Variants in CELF2 observed in about 807,000 individuals in gnomAD.
CELF2 encodes the protein CUG triplet repeat RNA-binding protein 2.
A neutral mutation model predicts 62.6 loss-of-function variants in CELF2; 8 were observed. The ratio of observed to expected loss-of-function variants is 0.13; its 90% CI spans 0.07 to 0.23. The LOEUF (loss-of-function observed/expected upper bound fraction) is 0.23. CELF2 is among the 10% of genes least tolerant of loss of function. The pLI, the probability that CELF2 is intolerant of heterozygous loss-of-function variation, is 1.00. For synonymous variants in CELF2, 258 were observed against 250.0 expected (o/e 1.03, Z -0.30); for missense variants, 333 against 671.0 (o/e 0.50, Z 5.56).
the CELF2 span, among the ~76,000 whole-genome samples, chr10:10,697,071 C>T: frequency 1.3e-5 from 2 of 151,744 alleles, no homozygotes; most frequent in South Asian, 2.1e-4. Flanking sequence ...TTGGTAATAA[C>T]ATGATTAACA....
chr10:10,513,553 T>G, the CELF2 span, among the ~76,000 whole-genome samples: 1 of 151,610 alleles, frequency 6.6e-6, no homozygotes, highest in South Asian at 2.1e-4. Context: ...AAAATAAGAG[T>G]AGCAAGGAAA....
At chr10:10,999,226 T>A (rs2054275745) in intron 2 of CELF2, among the ~76,000 whole-genome samples, 1 of 152,178 alleles carries the variant, frequency 6.6e-6, no homozygotes, top group Non-Finnish European at 1.5e-5. Context: ...ACAGGAAGAA[T>A]GCTTCGTGAA....
At chr10:10,466,812 G>A in the CELF2 span, among the ~76,000 whole-genome samples, 2 of 152,142 alleles carry the variant, frequency 1.3e-5, no homozygotes, top group Middle Eastern at 3.4e-3. Context: ...ATAATGTGGG[G>A]CATCTTTTCA....
chr10:10,912,953 C>A (rs2063945210), intron 1 of CELF2, among the ~76,000 whole-genome samples: 1 of 152,132 alleles, frequency 6.6e-6, no homozygotes. Context: ...TGAGGCTTTT[C>A]TAAGGATTAA....
chr10:10,598,751 C>CTTTTTTTTTTTTTTTTTTTTTTTTTTTT, the CELF2 span, among the ~76,000 whole-genome samples: 39 of 69,588 alleles, frequency 5.6e-4, 4 homozygotes, highest in Non-Finnish European at 8.5e-4. Context: ...CTTTTTCTTT[C>CTTTTTTTTTTTTTTTTTTTTTTTTTTTT]TTTTTTTTTT....
At position 11,321,035 on chromosome 10, in the gene CELF2, T is replaced by A; in HGVS notation, c.1097-154T>A. 1 of 1,312,480 alleles carries A rather than the reference T, an allele frequency of 7.6e-7. No individual in the cohort carries two copies. The highest frequency in any genetic ancestry group is 1.1e-6 in the Non-Finnish European group (1 of 946,216). The allele number at this position is 1,312,480 out of a possible 1,614,324, so 81.3% of individuals were successfully genotyped here. On this transcript the variant is annotated intron_variant, in intron 10 of 12. Transcript: ENST00000633077. The surrounding 1 kb of genome is among the most constrained non-coding windows in gnomAD (Gnocchi z 6.2). ...TCCCCCATTATCACGATTTATTTCTTCATGGTTTCATTTTTAGTTTCCTGT... is the reference window on the plus strand; with the variant it reads ...TCCCCCATTATCACGATTTATTTCTACATGGTTTCATTTTTAGTTTCCTGT...
chr10:10,527,377 G>A, the CELF2 span, among the ~76,000 whole-genome samples: 1 of 150,534 alleles, frequency 6.6e-6, no homozygotes, highest in Non-Finnish European at 1.5e-5. Context: ...AACCTGGGAG[G>A]TAGAGGTTGC....
At chr10:10,833,013 CTGTGTGTGTGTGTG>C (rs71378768) in intron 1 of CELF2, among the ~76,000 whole-genome samples, 35 of 144,616 alleles carry the variant, frequency 2.4e-4, no homozygotes, top group African/African-American at 4.1e-4. Context: ...ACAGAAAACT[CTGTGTGTGTGTGTG>C]TGTGTGTGTG....
chr10:10,645,139 A>AG, the CELF2 span, among the ~76,000 whole-genome samples: 2 of 152,140 alleles, frequency 1.3e-5, no homozygotes, highest in African/African-American at 4.8e-5. Context: ...TTGCTTATTC[A>AG]GGGGGGATGA....
chr10:11,225,902 T>A (rs561911041), intron 3 of CELF2, among the ~76,000 whole-genome samples: 1 of 152,254 alleles, frequency 6.6e-6, no homozygotes, highest in South Asian at 2.1e-4. Flanking sequence ...AGCATTCACC[T>A]TGTTACACTG....
chr10:11,209,907 C>CT (rs2135606314), intron 2 of CELF2, among the ~76,000 whole-genome samples: 1 of 152,324 alleles, frequency 6.6e-6, no homozygotes, highest in East Asian at 1.9e-4. Context: ...TTGCATGCTA[C>CT]TGACTTGACA....
chr10:10,830,648 A>G (rs2057772863), intron 1 of CELF2, among the ~76,000 whole-genome samples: 1 of 152,178 alleles, frequency 6.6e-6, no homozygotes, highest in South Asian at 2.1e-4. Context: ...TGTGGGAAAG[A>G]AGTCAGTCAA....
chr10:10,638,358 TATCC>T, the CELF2 span, among the ~76,000 whole-genome samples: 113 of 135,138 alleles, frequency 8.4e-4, no homozygotes, highest in African/African-American at 2.9e-3. Flanking sequence ...CTCATTCACT[TATCC>T]ATCCATCCAT....
chr10:11,121,438 C>A (rs185220020), intron 1 of CELF2, among the ~76,000 whole-genome samples: 1 of 152,250 alleles, frequency 6.6e-6, no homozygotes, highest in Admixed American at 6.5e-5. Context: ...TTCCTCTCTC[C>A]CTCTGTCCTT....
chr10:11,309,009 T>C lies in CELF2; in HGVS notation c.977-5130T>C, dbSNP rs2094427013. Among the ~76,000 whole-genome samples the C allele has an allele frequency of 6.6e-6, 1 of 152,282 alleles. No individual in the cohort carries two copies. The highest frequency in any genetic ancestry group is 2.1e-4 in the South Asian group (1 of 4,834). Reference sequence around the variant, plus strand: ...CAGCCTTTTTATTGGCATTCTTTATTTGATGAAACATTGTAATTACACTTA... The same window carrying C: ...CAGCCTTTTTATTGGCATTCTTTATCTGATGAAACATTGTAATTACACTTA... On this transcript the variant is annotated intron_variant, in intron 9 of 12. Coordinates refer to ENST00000633077, the MANE Select transcript of CELF2 (RefSeq NM_001326342.2). The surrounding 1 kb of genome is among the most constrained non-coding windows in gnomAD (Gnocchi z 5.6).
chr10:11,270,940 T>C lies in CELF2; in HGVS notation c.777+116T>C, dbSNP rs2083569190. ...GTACATTTTCAATCTCGGGGAATTA[T>C]TGAAATCAGCATTTATGCAGGATAT... On this transcript the variant is annotated intron_variant, in intron 7 of 12. Transcript: ENST00000633077. The surrounding 1 kb of genome is among the most constrained non-coding windows in gnomAD (Gnocchi z 5.8). 2.0e-5 allele frequency: 20 copies of C among 998,538 alleles called. No individual in the cohort carries two copies. The South Asian group carries it at 2.2e-4, about 11-fold the overall frequency. The allele number at this position is 998,538 out of a possible 1,614,324, so 61.9% of individuals were successfully genotyped here.
chr10:10,666,861 C>CAAAAAAAAAAAAA, the CELF2 span, among the ~76,000 whole-genome samples: 2 of 25,186 alleles, frequency 7.9e-5, no homozygotes, highest in Non-Finnish European at 7.2e-5. Context: ...GACTCCGTCT[C>CAAAAAAAAAAAAA]AAAAAAAAAA....
Position 11,268,491 on chromosome 10 carries a change from A to G in CELF2, c.618+1814A>G, listed in dbSNP as rs912400898. On this transcript the variant is annotated intron_variant, in intron 6 of 12. Transcript: ENST00000633077. The surrounding 1 kb of genome is among the most constrained non-coding windows in gnomAD (Gnocchi z 4.7). Reference sequence around the variant, plus strand: ...TCCTGTAGAAGGAGGACTCTGGATCATAAAGCAGAACTGGGCATGAACCAG... The same window carrying G: ...TCCTGTAGAAGGAGGACTCTGGATCGTAAAGCAGAACTGGGCATGAACCAG... Among the ~76,000 whole-genome samples the G allele has an allele frequency of 6.6e-6, 1 of 152,218 alleles. No individual in the cohort carries two copies. The highest frequency in any genetic ancestry group is 2.4e-5 in the African/African-American group (1 of 41,466).
chr10:10,754,690 C>A, the CELF2 span, among the ~76,000 whole-genome samples: 1 of 152,178 alleles, frequency 6.6e-6, no homozygotes, highest in Non-Finnish European at 1.5e-5. Context: ...ATTTAAAACA[C>A]CAGTAATGTG....
Sources: allele counts gnomAD v4.1 joint callset (sites outside exome capture counted in the v4.1 genomes callset), GRCh38; gene constraint gnomAD v4.1.1; non-coding constraint Gnocchi (gnomAD v3.1); transcripts MANE v1.5; gene names NCBI Gene and HGNC (gene_info 2026-07-23, HGNC 2026-07-21).